The following ADAMTS3 variants were observed in gnomAD, a reference collection of about 807,000 sequenced individuals.
ADAMTS3 encodes A disintegrin and metalloproteinase with thrombospondin motifs 3.
In ADAMTS3, 73 loss-of-function variants were observed where a neutral mutation model predicts 129.0. The observed-to-expected ratio is 0.57, with a 90% CI of 0.47 to 0.69. The LOEUF (loss-of-function observed/expected upper bound fraction) is 0.69, where lower values mean the gene tolerates loss of function less well. Among genes scored for constraint, ADAMTS3 ranks in the 30% least tolerant of loss-of-function variants. ADAMTS3 has a pLI of 0.00. For synonymous variants in ADAMTS3, 477 were observed against 510.8 expected (o/e 0.93, Z 0.89); for missense variants, 1,457 against 1,514.5 (o/e 0.96, Z 0.63).
chr4:72,468,244 C>T lies in ADAMTS3; in HGVS notation c.505-53273G>A, dbSNP rs116127033. Among the ~76,000 whole-genome samples the T allele has an allele frequency of 2.1e-3, 314 of 152,100 alleles. 1 individual carries two copies. The highest frequency in any genetic ancestry group is 7.3e-3 in the African/African-American group (303 of 41,540). ...TACATGTAATATATAGTGTAAGAAT[C>T]TAATTGGCAAAACTTCACAATTGCC... On this transcript the variant is annotated intron_variant, in intron 3 of 21. Coordinates refer to ENST00000286657, the MANE Select transcript of ADAMTS3 (RefSeq NM_014243.3).
chr4:72,523,969 A>ATTG (rs151004681), intron 3 of ADAMTS3, among the ~76,000 whole-genome samples: 1,980 of 152,246 alleles, frequency 0.013, 38 homozygotes, highest in African/African-American at 0.045. Flanking sequence ...ATTCTTTTCT[A>ATTG]TTGTTAGGAA....
chr4:72,549,403 A>AT lies in ADAMTS3; in HGVS notation c.98-520dup, dbSNP rs139526176. ...GCTTACAATGCTGTAATTTATACAC[A>AT]TTTTTTCCACCATAACAACCCTAAC... On this transcript the variant is annotated intron_variant, in intron 2 of 21. Coordinates refer to ENST00000286657, the MANE Select transcript of ADAMTS3 (RefSeq NM_014243.3). 6.0e-3 allele frequency among the ~76,000 whole-genome samples: 907 copies of AT among 152,172 alleles called. 13 individuals carry two copies. The highest frequency in any genetic ancestry group is 0.021 in the African/African-American group (864 of 41,514).
intron 5 of ADAMTS3, among the ~76,000 whole-genome samples, chr4:72,324,667 G>T (rs1719655161): frequency 6.6e-6 from 1 of 152,090 alleles, no homozygotes; most frequent in Non-Finnish European, 1.5e-5. Context: ...AAAAAAATCT[G>T]CAATACAATC....
At chr4:72,479,931 G>A (rs1719378653) in intron 3 of ADAMTS3, among the ~76,000 whole-genome samples, 1 of 151,924 alleles carries the variant, frequency 6.6e-6, no homozygotes, top group African/African-American at 2.4e-5. Context: ...GCAGCCAAAA[G>A]ACACATGAAA....
chr4:72,339,631 T>A lies in ADAMTS3; in HGVS notation c.724A>T (p.Asn242Tyr), dbSNP rs983316410. The stretch of plus-strand genomic sequence containing the variant: ...TGTCTGCGGCGTCTCATTGTTTCAT[T>A]CAGCTGCTGGTGGATGTTGCCATAA... ...TVYGNIHQQLNETMRRRRHAG... is the reference protein window; with the variant it reads ...TVYGNIHQQLYETMRRRRHAG... Residue 242 changes from asparagine to tyrosine, a missense_variant, in exon 5 of 22, where the codon AAT becomes TAT. Asn to Tyr is a moderately radical substitution (Grantham distance 143, BLOSUM62 -2). Coordinates refer to ENST00000286657, the MANE Select transcript of ADAMTS3 (RefSeq NM_014243.3). 5 of 1,613,946 alleles carry A rather than the reference T, an allele frequency of 3.1e-6. No individual in the cohort carries two copies. Among genetic ancestry groups the A allele is most frequent in the Non-Finnish European group, 4.2e-6 (5 of 1,179,880 alleles).
intron 3 of ADAMTS3, among the ~76,000 whole-genome samples, chr4:72,466,919 C>T (rs1479110555): frequency 6.6e-6 from 1 of 152,046 alleles, no homozygotes; most frequent in Non-Finnish European, 1.5e-5. Flanking sequence ...CTCTCTAAAT[C>T]TGCCTCCTCA....
chr4:72,416,700 G>A (rs1722313958), intron 3 of ADAMTS3, among the ~76,000 whole-genome samples: 1 of 151,984 alleles, frequency 6.6e-6, no homozygotes, highest in Non-Finnish European at 1.5e-5. Context: ...TTGGTTAATG[G>A]ATTCACCTCT....
At chr4:72,319,767 G>A in intron 8 of ADAMTS3, 91 bp downstream of exon 8, 1 of 1,053,110 alleles carries the variant, frequency 9.5e-7, no homozygotes, top group Non-Finnish European at 1.4e-6. Flanking sequence ...TTGTATGCTG[G>A]CATGCATTCT....
In ADAMTS3 at chr4:72,538,215, A is replaced by G. The variant is rs558438899; in HGVS notation, c.504+10263T>C. Among the ~76,000 whole-genome samples the G allele has an allele frequency of 8.5e-5, 13 of 152,318 alleles. No individual in the cohort carries two copies. In the South Asian group the frequency reaches 2.5e-3, roughly 29 times the overall value. On this transcript the variant is annotated intron_variant, in intron 3 of 21. Transcript: ENST00000286657. ...CAGAGAAAAAGGAAGAAGCAGAGAA[A>G]ACATCTAAAGAAATAATAGATGGAA...
At chr4:72,528,192 T>C (rs1720863745) in intron 3 of ADAMTS3, among the ~76,000 whole-genome samples, 1 of 150,090 alleles carries the variant, frequency 6.7e-6, no homozygotes, top group Non-Finnish European at 1.5e-5. Flanking sequence ...TTTTATGATC[T>C]CTCTTTTTTT....
chr4:72,477,556 A>C (rs1007781014), intron 3 of ADAMTS3, among the ~76,000 whole-genome samples: 1 of 152,146 alleles, frequency 6.6e-6, no homozygotes, highest in African/African-American at 2.4e-5. Context: ...GTAGAGGGAA[A>C]TTTATAGCAC....
At chr4:72,323,530 A>G (rs1719620002) in intron 5 of ADAMTS3, among the ~76,000 whole-genome samples, 2 of 152,174 alleles carry the variant, frequency 1.3e-5, no homozygotes, top group South Asian at 4.1e-4. Flanking sequence ...CAGGGGTGCT[A>G]CGTCTGGTTG....
intron 4 of ADAMTS3, among the ~76,000 whole-genome samples, chr4:72,341,212 T>C (rs1394270985): frequency 2.0e-5 from 3 of 152,106 alleles, no homozygotes; most frequent in Non-Finnish European, 4.4e-5. Context: ...CTTTAAAAAA[T>C]ATATAGAAAC....
At chr4:72,517,798 C>T (rs201395707) in intron 3 of ADAMTS3, among the ~76,000 whole-genome samples, 45,009 of 149,852 alleles carry the variant, frequency 0.3, 6,295 homozygotes, top group Middle Eastern at 0.34. Context: ...CTCCTGGATT[C>T]ATTGATTTTT....
chr4:72,345,170 A>G (rs1361599877), intron 4 of ADAMTS3, among the ~76,000 whole-genome samples: 1 of 152,176 alleles, frequency 6.6e-6, no homozygotes, highest in Non-Finnish European at 1.5e-5. Context: ...TACAGTAACA[A>G]TGAATACAGA....
intron 3 of ADAMTS3, among the ~76,000 whole-genome samples, chr4:72,425,994 T>C (rs1214817274): frequency 6.6e-6 from 1 of 152,194 alleles, no homozygotes; most frequent in Admixed American, 6.6e-5. Context: ...CTCTAGCACC[T>C]GTTGCTTCCT....
chr4:72,496,018 T>C (rs1324098348), intron 3 of ADAMTS3, among the ~76,000 whole-genome samples: 1 of 152,210 alleles, frequency 6.6e-6, no homozygotes, highest in Non-Finnish European at 1.5e-5. Flanking sequence ...CAAAAATGAC[T>C]ATAATGGGAG....
intron 4 of ADAMTS3, among the ~76,000 whole-genome samples, chr4:72,367,984 T>C (rs1720913532): frequency 6.6e-6 from 1 of 152,150 alleles, no homozygotes. Context: ...AAACAATAAT[T>C]ATACGCACTG....
chr4:72,321,916 G>C (rs1719566119), intron 6 of ADAMTS3, among the ~76,000 whole-genome samples: 1 of 152,038 alleles, frequency 6.6e-6, no homozygotes, highest in African/African-American at 2.4e-5. Context: ...GGGGGGAAAA[G>C]GGCCCAACCT....
Sources: gnomAD v4.1 joint callset for allele counts (sites outside exome capture counted in the v4.1 genomes callset) on GRCh38, gnomAD v4.1.1 for gene constraint, MANE v1.5 for transcripts, NCBI Gene and HGNC (gene_info 2026-07-23, HGNC 2026-07-21) for gene names.